The following ZNF782 variants were observed in gnomAD, a reference collection of about 807,000 sequenced individuals.
ZNF782 encodes zinc finger protein 782.
ZNF782 carries 12 observed loss-of-function variants against 13.0 expected under a neutral mutation model. The observed-to-expected ratio is 0.92, with a 90% CI of 0.59 to 1.50. The LOEUF (loss-of-function observed/expected upper bound fraction) is 1.50. ZNF782 is among the 40% of genes most tolerant of loss of function. The pLI is 0.00. For synonymous variants in ZNF782, 284 were observed against 283.0 expected, an observed-to-expected ratio of 1.00 and a Z score of -0.04; for missense variants, 770 against 822.9, an observed-to-expected ratio of 0.94 and a Z score of 0.79.
the ZNF782 span, among the ~76,000 whole-genome samples, chr9:96,909,620 A>G: frequency 6.6e-6 from 1 of 151,574 alleles, no homozygotes; most frequent in Non-Finnish European, 1.5e-5. Flanking sequence ...TAGAAACTTT[A>G]TTAGGAAAGC....
the ZNF782 span, chr9:96,903,004 T>C: frequency 6.7e-6 from 1 of 149,438 alleles, no homozygotes; most frequent in East Asian, 2.2e-4. Flanking sequence ...GGTTTTGCCA[T>C]GTTGCCCACG....
At position 96,816,989 on chromosome 9, in the gene ZNF782, T is replaced by C. The variant is rs1850192732; in HGVS notation, c.*934A>G. On this transcript the variant is annotated 3_prime_UTR_variant, in exon 6 of 6. Coordinates refer to ENST00000481138, the MANE Select transcript of ZNF782 (RefSeq NM_001001662.3). ...TCAGTATCAAGTATACCCAAACCTT[T>C]AGAAGTTCAGCAGGGAACACATTTA... 6.6e-6 allele frequency: 1 copy of C among 152,232 alleles called. No homozygotes were observed. Among genetic ancestry groups the C allele is most frequent in the Non-Finnish European group, 1.5e-5 (1 of 68,040 alleles). The allele number at this position is 152,232 out of a possible 1,614,324, so 9.4% of individuals were successfully genotyped here.
chr9:96,889,158 G>A, the ZNF782 span: 3 of 152,128 alleles, frequency 2.0e-5, no homozygotes, highest in East Asian at 5.8e-4. Context: ...TACTCCTCCT[G>A]CCATGCATCA....
At chr9:96,903,161 A>G in the ZNF782 span, 1 of 151,468 alleles carries the variant, frequency 6.6e-6, no homozygotes, top group Non-Finnish European at 1.5e-5. Context: ...ATGCAGATAC[A>G]AAAGAGCTCT....
chr9:96,817,940 C>A lies in ZNF782; in HGVS notation c.2083G>T (p.Ala695Ser), dbSNP rs374669265. Residue 695 changes from alanine to serine, a missense_variant, in exon 6 of 6, where the codon GCC (alanine) becomes TCC (serine). Physicochemically the swap from Ala to Ser is moderately conservative, Grantham distance 99. Transcript: ENST00000481138. ...GCATACATTTAATCCCCTGGGTGGG[C>A]TTTCTGATGTTCTCTAAGGCTTGAT... Reference protein sequence around the residue: ...QKSSLREHQKAHPGD With the variant: ...QKSSLREHQKSHPGD 1 of 1,568,292 alleles carries A rather than the reference C, an allele frequency of 6.4e-7. No homozygotes were observed. The highest frequency in any genetic ancestry group is 1.4e-5 in the African/African-American group (1 of 72,604).
the ZNF782 span, among the ~76,000 whole-genome samples, chr9:96,912,202 A>G: frequency 6.7e-6 from 1 of 148,472 alleles, no homozygotes; most frequent in African/African-American, 2.5e-5. Flanking sequence ...CGTCTCGAAA[A>G]AAAAAAAAAA....
upstream of ZNF782, chr9:96,875,701 C>A (rs1386237000): frequency 2.6e-5 from 11 of 417,892 alleles, no homozygotes; most frequent in Non-Finnish European, 3.8e-5. Flanking sequence ...ATCCTGGGGT[C>A]CCCCCGGGCT....
At chr9:96,913,960 C>T in the ZNF782 span, among the ~76,000 whole-genome samples, 210 of 143,828 alleles carry the variant, frequency 1.5e-3, no homozygotes, top group African/African-American at 4.8e-3. Context: ...GGCAACACAG[C>T]GAGACCTTGT....
At chr9:96,846,299 C>T (rs1399602145) in intron 3 of ZNF782, among the ~76,000 whole-genome samples, 4 of 151,994 alleles carry the variant, frequency 2.6e-5, no homozygotes, top group Non-Finnish European at 5.9e-5. Flanking sequence ...AAAAAGCAAA[C>T]TAGGTAGCAA....
intron 4 of ZNF782, among the ~76,000 whole-genome samples, chr9:96,838,056 T>A (rs1412560363): frequency 6.6e-6 from 1 of 152,190 alleles, no homozygotes; most frequent in African/African-American, 2.4e-5. Context: ...AACACTTAAA[T>A]TAACCTCTGA....
chr9:96,903,555 GGTTTTTTT>G, the ZNF782 span, among the ~76,000 whole-genome samples: 509 of 84,572 alleles, frequency 6.0e-3, 6 homozygotes, highest in African/African-American at 0.02. Flanking sequence ...ATTTTATGTT[GGTTTTTTT>G]TTTTTTTTTT....
At chr9:96,837,017 C>G (rs1425401725) in intron 4 of ZNF782, among the ~76,000 whole-genome samples, 1 of 152,150 alleles carries the variant, frequency 6.6e-6, no homozygotes, top group African/African-American at 2.4e-5. Flanking sequence ...GCGAAACAAA[C>G]TTTTCTTTAT....
At position 96,833,448 on chromosome 9, in the gene ZNF782, T is replaced by C. The variant is rs550514083; in HGVS notation, c.143-6267A>G. Among the ~76,000 whole-genome samples the C allele has an allele frequency of 2.0e-5, 3 of 152,326 alleles. No homozygotes were observed. The South Asian group carries it at 6.2e-4, about 32-fold the overall frequency. On this transcript the variant is annotated intron_variant, in intron 4 of 5. Transcript: ENST00000481138. ...GGTCACCTTGACAGTTTAAAGGACATTGTAGAATGTTCTTCAGTTTTGGTT... is the reference window on the plus strand; with the variant it reads ...GGTCACCTTGACAGTTTAAAGGACACTGTAGAATGTTCTTCAGTTTTGGTT...
the ZNF782 span, among the ~76,000 whole-genome samples, chr9:96,919,832 T>G: frequency 6.6e-6 from 1 of 150,982 alleles, no homozygotes. Flanking sequence ...AGTGCTGAGA[T>G]CACAGGCATG....
At chr9:96,920,822 G>T in the ZNF782 span, among the ~76,000 whole-genome samples, 1 of 150,372 alleles carries the variant, frequency 6.7e-6, no homozygotes, top group Non-Finnish European at 1.5e-5. Context: ...GGCTGAGGGA[G>T]GAGAATCGCT....
At chr9:96,899,754 C>T in the ZNF782 span, among the ~76,000 whole-genome samples, 2 of 152,142 alleles carry the variant, frequency 1.3e-5, no homozygotes, top group Non-Finnish European at 2.9e-5. Context: ...AATGAACCTG[C>T]CTACTGAGGG....
chr9:96,851,787 C>T (rs554352666), intron 3 of ZNF782, among the ~76,000 whole-genome samples, 160 bp downstream of exon 3: 2 of 152,316 alleles, frequency 1.3e-5, no homozygotes, highest in Admixed American at 1.3e-4. Context: ...AGGGAACCTA[C>T]TAACCCTGAC....
rs1163521968 is a variant in ZNF782, at chr9:96,836,212, C to CTT, written c.142+8676_142+8677dup. Among the ~76,000 whole-genome samples, 430 of 137,158 alleles carry CTT rather than the reference C, an allele frequency of 3.1e-3. 1 individual carries two copies. Among genetic ancestry groups the CTT allele is most frequent in the Admixed American group, 5.7e-3 (77 of 13,612 alleles). 90.0% of individuals were successfully genotyped at this position (137,158 alleles called of 152,430 possible). On this transcript the variant is annotated intron_variant, in intron 4 of 5. Transcript: ENST00000481138. ...ACCATTGTATCTTGGAAGTAAAAAACTTTTTTTTTTTTTTTTTTGAGACCA... is the reference window on the plus strand; with the variant it reads ...ACCATTGTATCTTGGAAGTAAAAAACTTTTTTTTTTTTTTTTTTTTGAGACCA...
At chr9:96,913,384 G>C in the ZNF782 span, among the ~76,000 whole-genome samples, 2 of 151,928 alleles carry the variant, frequency 1.3e-5, no homozygotes, top group African/African-American at 4.8e-5. Flanking sequence ...GCAGGGCCCA[G>C]ACTAAGAATG....
Sources: gnomAD v4.1 joint callset for allele counts (sites outside exome capture counted in the v4.1 genomes callset) on GRCh38, gnomAD v4.1.1 for gene constraint, MANE v1.5 for transcripts, NCBI Gene and HGNC (gene_info 2026-07-23, HGNC 2026-07-21) for gene names.